The following SLC35F1 variants were observed in gnomAD, a reference collection of about 807,000 sequenced individuals.
SLC35F1 encodes solute carrier family 35 member F1.
In SLC35F1, 14 loss-of-function variants were observed where a neutral mutation model predicts 48.7. The ratio of observed to expected loss-of-function variants is 0.29; its 90% CI spans 0.19 to 0.45. The LOEUF is 0.45. SLC35F1 is among the 20% of genes least tolerant of loss of function. SLC35F1 has a pLI of 1.00. For missense variants in SLC35F1, 404 were observed against 500.0 expected, an observed-to-expected ratio of 0.81 and a Z score of 1.83; for synonymous variants, 190 against 202.2, an observed-to-expected ratio of 0.94 and a Z score of 0.51.
chr6:118,075,619 G>T (rs1226234096), intron 1 of SLC35F1, among the ~76,000 whole-genome samples: 1 of 152,172 alleles, frequency 6.6e-6, no homozygotes, highest in East Asian at 1.9e-4. Flanking sequence ...TTGAGTTACA[G>T]GACATCCTGT....
At chr6:117,980,100 G>A (rs1371281821) in intron 1 of SLC35F1, among the ~76,000 whole-genome samples, 1 of 152,084 alleles carries the variant, frequency 6.6e-6, no homozygotes, top group Non-Finnish European at 1.5e-5. Flanking sequence ...ATGGAACCTT[G>A]TCTAGAGCCT....
chr6:118,042,928 GGAAA>G (rs1209479858), intron 1 of SLC35F1, among the ~76,000 whole-genome samples: 1 of 152,102 alleles, frequency 6.6e-6, no homozygotes, highest in East Asian at 1.9e-4. Context: ...CATGGTTAAA[GGAAA>G]GAAAATTAGT....
chr6:118,214,151 A>G (rs1268656771), intron 2 of SLC35F1, among the ~76,000 whole-genome samples: 1 of 152,166 alleles, frequency 6.6e-6, no homozygotes, highest in Non-Finnish European at 1.5e-5. Flanking sequence ...CTTGTCTGCT[A>G]TGTATACGAT....
At chr6:118,269,890 A>G (rs1178354440) in intron 4 of SLC35F1, among the ~76,000 whole-genome samples, 1 of 152,116 alleles carries the variant, frequency 6.6e-6, no homozygotes, top group Non-Finnish European at 1.5e-5. Context: ...ATTAGCCAGC[A>G]TGGTGGTGTG....
intron 1 of SLC35F1, among the ~76,000 whole-genome samples, chr6:117,960,053 C>T (rs1414769383): frequency 2.0e-5 from 3 of 151,890 alleles, no homozygotes; most frequent in Non-Finnish European, 4.4e-5. Flanking sequence ...TAGTTCAGTC[C>T]AGTGGAAAAT....
At chr6:118,312,637 G>T (rs1166015919) in intron 7 of SLC35F1, among the ~76,000 whole-genome samples, 1 of 152,148 alleles carries the variant, frequency 6.6e-6, no homozygotes, top group African/African-American at 2.4e-5. Flanking sequence ...AGCATCTTTA[G>T]TCTTAGCTCC....
intron 1 of SLC35F1, among the ~76,000 whole-genome samples, chr6:117,956,657 G>C (rs972620227): frequency 1.3e-5 from 2 of 152,182 alleles, no homozygotes; most frequent in Non-Finnish European, 2.9e-5. Flanking sequence ...CTGACTAATA[G>C]GAGACATTGC....
At chr6:118,234,648 C>A (rs912029864) in intron 2 of SLC35F1, among the ~76,000 whole-genome samples, 1 of 152,170 alleles carries the variant, frequency 6.6e-6, no homozygotes, top group Non-Finnish European at 1.5e-5. Flanking sequence ...TTTTAAACAG[C>A]TCTGTCTCTG....
Position 118,315,115 on chromosome 6 carries a change from T to TATC in SLC35F1, c.*864_*866dup, listed in dbSNP as rs1776416103. On this transcript the variant is annotated 3_prime_UTR_variant, in exon 8 of 8. Transcript: ENST00000360388. ...CTCCCTGTAGCCTCTCTTCAAAAAC[T>TATC]ATCTTTTATTTTTTTTCCAGATTTC... is the stretch of plus-strand genomic sequence containing the variant. 1 of 152,644 alleles carries TATC rather than the reference T, an allele frequency of 6.6e-6. No individual in the cohort carries two copies. The highest frequency in any genetic ancestry group is 2.4e-5 in the African/African-American group (1 of 41,456). 9.5% of individuals were successfully genotyped at this position (152,644 alleles called of 1,614,324 possible).
intron 1 of SLC35F1, among the ~76,000 whole-genome samples, chr6:118,051,417 A>T (rs1244398412): frequency 1.3e-5 from 2 of 152,166 alleles, no homozygotes; most frequent in South Asian, 4.1e-4. Flanking sequence ...TTCTAATTAC[A>T]TGTTGCAATG....
chr6:118,240,778 C>T (rs889642758), intron 3 of SLC35F1, among the ~76,000 whole-genome samples: 1 of 152,154 alleles, frequency 6.6e-6, no homozygotes, highest in African/African-American at 2.4e-5. Context: ...AAGCAGACAG[C>T]GTGTTCAAGG....
chr6:118,282,247 G>A (rs1441699340), intron 6 of SLC35F1, among the ~76,000 whole-genome samples: 2 of 152,146 alleles, frequency 1.3e-5, no homozygotes, highest in Non-Finnish European at 2.9e-5. Context: ...TCTAAGAACA[G>A]CCAAGGAAGG....
chr6:118,287,716 G>A (rs1218830250), intron 7 of SLC35F1, among the ~76,000 whole-genome samples: 1 of 152,130 alleles, frequency 6.6e-6, no homozygotes, highest in Admixed American at 6.6e-5. Context: ...GTTCCTGTCT[G>A]GGTCTGTCCT....
chr6:117,943,634 C>T (rs1377412938), intron 1 of SLC35F1, among the ~76,000 whole-genome samples: 1 of 152,088 alleles, frequency 6.6e-6, no homozygotes, highest in East Asian at 1.9e-4. Context: ...AAAGAGTTGG[C>T]TCTATTTGAA....
intron 3 of SLC35F1, among the ~76,000 whole-genome samples, chr6:118,236,031 CTT>C (rs1243969688): frequency 1.3e-5 from 2 of 152,114 alleles, no homozygotes; most frequent in Non-Finnish European, 2.9e-5. Flanking sequence ...TTAATCACAA[CTT>C]ATAACTTTTT....
chr6:118,014,517 A>G (rs1777293752), intron 1 of SLC35F1, among the ~76,000 whole-genome samples: 1 of 152,046 alleles, frequency 6.6e-6, no homozygotes. Context: ...AGATTTTGAA[A>G]CCCAAGCTCA....
chr6:118,090,034 A>C (rs750372199), intron 1 of SLC35F1, among the ~76,000 whole-genome samples: 10 of 152,250 alleles, frequency 6.6e-5, no homozygotes, highest in Non-Finnish European at 1.5e-4. Context: ...TGAGCAATAT[A>C]AACTAATTCT....
chr6:118,025,605 G>C (rs1286881035), intron 1 of SLC35F1, among the ~76,000 whole-genome samples: 1 of 152,104 alleles, frequency 6.6e-6, no homozygotes, highest in African/African-American at 2.4e-5. Context: ...AATTTCTCTA[G>C]TGTGAGAGAT....
chr6:117,950,226 T>C (rs1280698430), intron 1 of SLC35F1, among the ~76,000 whole-genome samples: 1 of 152,202 alleles, frequency 6.6e-6, no homozygotes, highest in African/African-American at 2.4e-5. Flanking sequence ...GGCAATAAGA[T>C]GATTGGGGGC....
Sources: allele counts gnomAD v4.1 joint callset (sites outside exome capture counted in the v4.1 genomes callset), GRCh38; gene constraint gnomAD v4.1.1; transcripts MANE v1.5; gene names NCBI Gene and HGNC (gene_info 2026-07-23, HGNC 2026-07-21).